Variants in PRMT8 observed in about 807,000 individuals in gnomAD.
PRMT8 encodes protein arginine methyltransferase 8.
PRMT8 carries 7 observed loss-of-function variants against 47.1 expected under a neutral mutation model. The observed-to-expected ratio is 0.15, with a 90% confidence interval of 0.08 to 0.28. The LOEUF (loss-of-function observed/expected upper bound fraction) is 0.28. Among genes scored for constraint, PRMT8 ranks in the 10% least tolerant of loss-of-function variants. PRMT8 has a pLI of 1.00. For synonymous variants in PRMT8, 188 were observed against 186.5 expected, an observed-to-expected ratio of 1.01 and a Z score of -0.07; for missense variants, 237 against 505.4, an observed-to-expected ratio of 0.47 and a Z score of 5.09.
rs1216323132 is a variant in PRMT8 at position 3,436,147 on chromosome 12, T to C, written c.48+54705T>C. Among the ~76,000 whole-genome samples, 1 of 152,196 alleles carries C rather than the reference T, an allele frequency of 6.6e-6. No homozygotes were observed. The highest frequency in any genetic ancestry group is 2.4e-5 in the African/African-American group (1 of 41,460). On this transcript the variant is annotated intron_variant, in intron 1 of 9. Transcript: ENST00000452611. This position sits in a 1 kb window ranked among gnomAD's most constrained non-coding sequence, Gnocchi z 4.2. ...TTGGGTGCCTCAGGCCCTGCTTACC[T>C]GCTTATAAAAAAGTCAAGTCGTCCC... is the stretch of plus-strand genomic sequence containing the variant.
rs530392009 is a variant in PRMT8, at chr12:3,511,140, T to G, written c.75+19440T>G. Among the ~76,000 whole-genome samples, 4 of 152,256 alleles carry G rather than the reference T, an allele frequency of 2.6e-5. No homozygotes were observed. In the East Asian group the frequency reaches 5.8e-4, roughly 22 times the overall value. ...CATTTTGCTCTTATAACCTCACACTTTGCCTGTTATAACCTTGCTCTCTCA... is the reference window on the plus strand; with the variant it reads ...CATTTTGCTCTTATAACCTCACACTGTGCCTGTTATAACCTTGCTCTCTCA... On this transcript the variant is annotated intron_variant, in intron 1 of 9. Transcript: ENST00000382622.
chr12:3,419,691 C>T (rs544621799), intron 1 of PRMT8, among the ~76,000 whole-genome samples: 101 of 152,172 alleles, frequency 6.6e-4, no homozygotes, highest in Non-Finnish European at 1.3e-3. Flanking sequence ...CTCTTTATTC[C>T]CTCCTATCCA....
chr12:3,541,864 G>A (rs997317860), intron 2 of PRMT8, among the ~76,000 whole-genome samples: 1 of 152,144 alleles, frequency 6.6e-6, no homozygotes, highest in Non-Finnish European at 1.5e-5. Flanking sequence ...GTTATTGCTT[G>A]TCCCCATTCT....
At chr12:3,577,789 C>T (rs1463173367) in intron 7 of PRMT8, among the ~76,000 whole-genome samples, 1 of 152,186 alleles carries the variant, frequency 6.6e-6, no homozygotes, top group African/African-American at 2.4e-5. Flanking sequence ...GACACGCCTG[C>T]TCTAAACACC....
chr12:3,553,743 T>C (rs745892967), intron 4 of PRMT8, 29 bp downstream of exon 4: 2 of 1,538,356 alleles, frequency 1.3e-6, no homozygotes, highest in African/African-American at 2.7e-5. Context: ...TGTTTTCTCC[T>C]GGATGGAGGG....
intron 1 of PRMT8, among the ~76,000 whole-genome samples, chr12:3,528,513 T>C (rs1335353090): frequency 6.6e-6 from 1 of 152,196 alleles, no homozygotes. Flanking sequence ...CGTTTAAATA[T>C]CTTCCATATC....
At chr12:3,459,167 A>G (rs1865009462) in intron 1 of PRMT8, among the ~76,000 whole-genome samples, 1 of 152,180 alleles carries the variant, frequency 6.6e-6, no homozygotes, top group Non-Finnish European at 1.5e-5. Flanking sequence ...TTGGCTAACT[A>G]GAAAAATCAG....
intron 4 of PRMT8, among the ~76,000 whole-genome samples, chr12:3,567,779 A>G (rs1866748807): frequency 6.6e-6 from 1 of 152,242 alleles, no homozygotes; most frequent in Non-Finnish European, 1.5e-5. Flanking sequence ...AACTTGGTCA[A>G]TTAACACACA....
At chr12:3,506,185 T>A (rs913061363) in intron 1 of PRMT8, among the ~76,000 whole-genome samples, 1 of 152,204 alleles carries the variant, frequency 6.6e-6, no homozygotes, top group African/African-American at 2.4e-5. Context: ...GGATTCATCC[T>A]CTATGATATG....
At chr12:3,545,787 G>A (rs1276787185) in intron 2 of PRMT8, among the ~76,000 whole-genome samples, 1 of 152,064 alleles carries the variant, frequency 6.6e-6, no homozygotes, top group Non-Finnish European at 1.5e-5. Flanking sequence ...CTTCTGTCTT[G>A]GTAAGTGATC....
chr12:3,494,919 A>G (rs180726400), intron 1 of PRMT8, among the ~76,000 whole-genome samples: 97 of 152,334 alleles, frequency 6.4e-4, no homozygotes, highest in Non-Finnish European at 1.2e-3. Flanking sequence ...AGCCCCTGGC[A>G]CATGGCAAAC....
At chr12:3,489,688 G>T (rs1393521176), upstream of PRMT8, among the ~76,000 whole-genome samples, 1 of 152,046 alleles carries the variant, frequency 6.6e-6, no homozygotes, top group Non-Finnish European at 1.5e-5. Flanking sequence ...TTGACAGAAC[G>T]GGAGGAACGA....
intron 1 of PRMT8, among the ~76,000 whole-genome samples, chr12:3,537,453 G>A (rs1866138728): frequency 1.3e-5 from 2 of 152,084 alleles, no homozygotes; most frequent in African/African-American, 2.4e-5. Flanking sequence ...ATGTTAAAAC[G>A]TACTTCTCGG....
intron 1 of PRMT8, among the ~76,000 whole-genome samples, chr12:3,399,531 C>T (rs538656455): frequency 2.4e-4 from 37 of 152,206 alleles, no homozygotes; most frequent in African/African-American, 8.4e-4. Context: ...GGAAGGGAGC[C>T]GGGCCCCAGA....
intron 4 of PRMT8, among the ~76,000 whole-genome samples, chr12:3,561,263 G>C (rs957644219): frequency 7.9e-5 from 12 of 152,158 alleles, no homozygotes; most frequent in African/African-American, 2.9e-4. Context: ...CTGCACTTGT[G>C]GCAATGCACC....
intron 1 of PRMT8, among the ~76,000 whole-genome samples, chr12:3,485,353 A>G (rs576098770): frequency 6.6e-6 from 1 of 152,304 alleles, no homozygotes; most frequent in Admixed American, 6.5e-5. Context: ...TAGGAAAGGG[A>G]AAGATAATTA....
chr12:3,525,611 T>A (rs972330975), intron 1 of PRMT8, among the ~76,000 whole-genome samples: 6 of 152,178 alleles, frequency 3.9e-5, no homozygotes, highest in Admixed American at 3.3e-4. Flanking sequence ...TCCCCCTCCT[T>A]TTAGGAGTGA....
chr12:3,445,034 G>A (rs1057115798), intron 1 of PRMT8, among the ~76,000 whole-genome samples: 2 of 152,260 alleles, frequency 1.3e-5, no homozygotes, highest in African/African-American at 4.8e-5. Flanking sequence ...CTGGTAGGAA[G>A]GGGAGATTTT....
At chr12:3,477,268 C>T (rs571445907) in intron 1 of PRMT8, among the ~76,000 whole-genome samples, 3 of 152,358 alleles carry the variant, frequency 2.0e-5, no homozygotes, top group East Asian at 1.9e-4. Context: ...TTCATTCATT[C>T]GTTTATTCAC....
Sources: allele counts gnomAD v4.1 joint callset (sites outside exome capture counted in the v4.1 genomes callset), GRCh38; gene constraint gnomAD v4.1.1; non-coding constraint Gnocchi (gnomAD v3.1); transcripts MANE v1.5; gene names NCBI Gene and HGNC (gene_info 2026-07-23, HGNC 2026-07-21).